The following TTC23L variants were observed in gnomAD, a reference collection of about 807,000 sequenced individuals.
TTC23L encodes the protein tetratricopeptide repeat protein 23-like.
Under a neutral mutation model 48.1 loss-of-function variants are expected in TTC23L, and 42 were observed. The ratio of observed to expected loss-of-function variants is 0.87; its 90% CI spans 0.68 to 1.13. The LOEUF (loss-of-function observed/expected upper bound fraction) is 1.13, where lower values mean the gene tolerates loss of function less well. Among genes scored for constraint, TTC23L ranks in the 50% most tolerant of loss-of-function variants. TTC23L has a pLI of 0.00. For missense variants in TTC23L, 391 were observed against 421.0 expected, an observed-to-expected ratio of 0.93 and a Z score of 0.62; for synonymous variants, 159 against 157.2, an observed-to-expected ratio of 1.01 and a Z score of -0.09.
chr5:34,855,921 C>A (rs373645910), intron 4 of TTC23L, among the ~76,000 whole-genome samples: 51 of 152,272 alleles, frequency 3.3e-4, no homozygotes, highest in African/African-American at 1.2e-3. Context: ...GGAAGTGAGA[C>A]CTCTCAGTGT....
At chr5:34,896,971 G>A in intron 10 of TTC23L, 96 bp downstream of exon 10, 2 of 533,516 alleles carry the variant, frequency 3.7e-6, no homozygotes, top group Admixed American at 3.1e-5. Flanking sequence ...CTCTGGGGGA[G>A]GAAGAAAGGC....
intron 6 of TTC23L, 128 bp downstream of exon 6, chr5:34,864,690 TACCAAATGGATA>T: frequency 2.5e-6 from 3 of 1,205,062 alleles, no homozygotes; most frequent in Non-Finnish European, 2.2e-6. Context: ...GGCTCATATT[TACCAAATGGATA>T]CACTGGGCAT....
intron 9 of TTC23L, among the ~76,000 whole-genome samples, chr5:34,885,751 A>AT (rs1762503764): frequency 6.6e-6 from 1 of 151,662 alleles, no homozygotes; most frequent in Non-Finnish European, 1.5e-5. Flanking sequence ...TGTCTAAAAA[A>AT]AAAAGAAAGA....
At chr5:34,909,383 T>C in the TTC23L span, 2 of 1,478,904 alleles carry the variant, frequency 1.4e-6, no homozygotes, top group Middle Eastern at 1.8e-4. Flanking sequence ...CCTCATTTAT[T>C]CATTCATCCA....
At chr5:34,845,819 CT>C in intron 3 of TTC23L, 146 bp downstream of exon 3, 1 of 821,146 alleles carries the variant, frequency 1.2e-6, no homozygotes, top group South Asian at 2.0e-5. Flanking sequence ...AAAGCAGAGC[CT>C]ACTTAGGTAG....
chr5:34,884,686 A>G (rs548586642), intron 9 of TTC23L, among the ~76,000 whole-genome samples: 3 of 152,318 alleles, frequency 2.0e-5, no homozygotes, highest in African/African-American at 7.2e-5. Flanking sequence ...CCCATTTACA[A>G]TAGCATCAAA....
At chr5:34,906,696 T>C in the TTC23L span, 1 of 152,136 alleles carries the variant, frequency 6.6e-6, no homozygotes, top group East Asian at 1.9e-4. Flanking sequence ...ATCATCAGAA[T>C]TAAGTAGTGA....
chr5:34,890,415 C>CCCTA (rs1762792312), intron 9 of TTC23L, among the ~76,000 whole-genome samples: 2 of 130,626 alleles, frequency 1.5e-5, no homozygotes, highest in South Asian at 4.9e-4. Context: ...GCACTCCAGC[C>CCCTA]TAGGTAACAG....
chr5:34,845,728 T>C lies in TTC23L; in HGVS notation c.255+55T>C. ...TTCCATTTAAAAATATGTTCCTGTTTAGAGAAGCTTTGCCTTCGATGCAGA... is the reference window on the plus strand; with the variant it reads ...TTCCATTTAAAAATATGTTCCTGTTCAGAGAAGCTTTGCCTTCGATGCAGA... On this transcript the variant is annotated intron_variant, in intron 3 of 10. Transcript: ENST00000505624. 3.3e-6 allele frequency: 5 copies of C among 1,512,698 alleles called. No individual in the cohort carries two copies. In the South Asian group the frequency reaches 5.1e-5, roughly 16 times the overall value. The allele number at this position is 1,512,698 out of a possible 1,614,324, so 93.7% of individuals were successfully genotyped here. A position where few individuals can be genotyped will look rare whatever the true frequency, so the allele number is the denominator to read the frequency against.
chr5:34,910,721 C>T, the TTC23L span, among the ~76,000 whole-genome samples: 1 of 152,190 alleles, frequency 6.6e-6, no homozygotes, highest in Admixed American at 6.5e-5. Flanking sequence ...TGCCACAGCA[C>T]TTTTACAGCC....
the TTC23L span, among the ~76,000 whole-genome samples, chr5:34,904,876 G>C: frequency 6.6e-6 from 1 of 152,112 alleles, no homozygotes; most frequent in African/African-American, 2.4e-5. Context: ...TTTAGTATGA[G>C]GAAATACTCT....
intron 1 of TTC23L, among the ~76,000 whole-genome samples, chr5:34,840,119 T>G (rs967802595): frequency 6.6e-6 from 1 of 151,954 alleles, no homozygotes; most frequent in Admixed American, 6.6e-5. Context: ...CTCGAACTCC[T>G]GAACTCGGGT....
chr5:34,925,321 T>C, the TTC23L span: 1 of 1,613,562 alleles, frequency 6.2e-7, no homozygotes, highest in South Asian at 1.1e-5. Flanking sequence ...AGCCGAAGAC[T>C]CTTCTTCCAC....
At chr5:34,922,528 A>G in the TTC23L span, 3 of 1,586,050 alleles carry the variant, frequency 1.9e-6, no homozygotes, top group Non-Finnish European at 2.6e-6. Flanking sequence ...AGCTTACTCC[A>G]TATCTTTCAG....
chr5:34,840,762 A>G (rs1227546297), intron 2 of TTC23L, 23 bp downstream of exon 2: 1 of 1,607,022 alleles, frequency 6.2e-7, no homozygotes, highest in African/African-American at 1.3e-5. Flanking sequence ...GCATTTTGAC[A>G]TCACAGGTAC....
At chr5:34,924,981 C>T in the TTC23L span, 12 of 1,611,710 alleles carry the variant, frequency 7.4e-6, no homozygotes, top group South Asian at 2.2e-5. Context: ...ACATGGTAAG[C>T]GGTTGTGTCA....
At chr5:34,845,505 C>A (rs765725631) in exon 3 of TTC23L, 1 of 1,613,306 alleles carries the variant, frequency 6.2e-7, no homozygotes. Context: ...AAACCGAGAT[C>A]CCAGCTCACC....
At chr5:34,925,087 T>C in the TTC23L span, 2 of 1,469,758 alleles carry the variant, frequency 1.4e-6, no homozygotes, top group Middle Eastern at 1.8e-4. Flanking sequence ...TGGTTTTTGC[T>C]GCATAGAAAC....
downstream of TTC23L, among the ~76,000 whole-genome samples, chr5:34,901,043 G>A (rs1463094507): frequency 6.6e-6 from 1 of 152,138 alleles, no homozygotes; most frequent in Non-Finnish European, 1.5e-5. Context: ...ACCATGTACT[G>A]TATATGTGTG....
Sources: allele counts gnomAD v4.1 joint callset (sites outside exome capture counted in the v4.1 genomes callset), GRCh38; gene constraint gnomAD v4.1.1; transcripts MANE v1.5; gene names NCBI Gene and HGNC (gene_info 2026-07-23, HGNC 2026-07-21).